The following URB2 variants were observed in gnomAD, a reference collection of about 807,000 sequenced individuals.
URB2 encodes the protein unhealthy ribosome biogenesis protein 2 homolog.
Under a neutral mutation model 120.9 loss-of-function variants are expected in URB2, and 86 were observed. The ratio of observed to expected loss-of-function variants is 0.71; its 90% CI spans 0.60 to 0.85. The LOEUF is 0.85. Ranked by LOEUF, URB2 falls within the 40% of genes least tolerant of loss-of-function variation. The pLI is 0.00. For missense variants in URB2, 1,765 were observed against 1,836.5 expected (o/e 0.96, Z 0.71); for synonymous variants, 755 against 758.4 (o/e 1.00, Z 0.07).
chr1:229,636,713 GA>G lies in URB2; in HGVS notation c.2101del (p.Arg701GlyfsTer15). ...GGTCTGAAGGAGCCATCCAAAGTTT[GA>G]GGTGCGATGCTGCCTTTATTATTGG... ...FRSEGAIQSL[R>X]CDAAFIIGSG... On this transcript the variant is annotated frameshift_variant, in exon 4 of 10. Transcript: ENST00000258243. LOFTEE classifies it high-confidence loss of function. 1 of 1,613,842 alleles carries G rather than the reference GA, an allele frequency of 6.2e-7. No homozygotes were observed. The highest frequency in any genetic ancestry group is 8.5e-7 in the Non-Finnish European group (1 of 1,179,904).
rs376030147 is a variant in URB2 at position 229,636,539 on chromosome 1, G to A, written c.1926G>A (p.Ser642=). The A allele has an allele frequency of 2.1e-5, 34 of 1,614,032 alleles. No individual in the cohort carries two copies. The highest frequency in any genetic ancestry group is 6.7e-5 in the African/African-American group (5 of 74,922). The change falls in exon 4 of 10, where the codon TCG becomes TCA. Residue 642 remains serine (S), a synonymous_variant. Transcript: ENST00000258243. ...TTATAGGTGTTGCTCTGGAGATCTC[G>A]AACCTCCCTTCGTTGCTCCCAGGTG... The part of the protein sequence containing the change: ...GPLIGVALEI[S]NLPSLLPGVK...
intron 3 of URB2, 86 bp from the exon 4 acceptor site, chr1:229,634,831 T>C: frequency 1.6e-6 from 2 of 1,226,730 alleles, no homozygotes; most frequent in Non-Finnish European, 2.2e-6. Context: ...AAGGGGTGAG[T>C]TTGTTGATTT....
chr1:229,654,410 T>C (rs377261117), intron 9 of URB2, 22 bp downstream of exon 9: 7 of 1,614,102 alleles, frequency 4.3e-6, no homozygotes, highest in Non-Finnish European at 5.9e-6. Context: ...TTCAATGTCT[T>C]TCACCAAGTA....
In URB2 at chr1:229,639,429, G is replaced by C. The variant is rs183499917; in HGVS notation, c.3634+1182G>C. Among the ~76,000 whole-genome samples, 655 of 151,516 alleles carry C rather than the reference G, an allele frequency of 4.3e-3. 3 individuals carry two copies. The highest frequency in any genetic ancestry group is 0.015 in the African/African-American group (630 of 41,154). ...AGCTCACTGCAAGCTCCGCTTCCCG[G>C]GTTCATGCCATTCTCCTGCCTCAGC... is the stretch of plus-strand genomic sequence containing the variant. On this transcript the variant is annotated intron_variant, in intron 4 of 9. Coordinates refer to ENST00000258243, the MANE Select transcript of URB2 (RefSeq NM_014777.4).
intron 2 of URB2, among the ~76,000 whole-genome samples, chr1:229,628,167 GTATATATGTATATAATATATATAA>G (rs71563416): frequency 1.7e-5 from 2 of 116,098 alleles, no homozygotes; most frequent in Admixed American, 1.8e-4. Context: ...TATATGTATA[GTATATATGTATATAATATATATAA>G]TATATATGTA....
chr1:229,639,331 A>G (rs1665942726), intron 4 of URB2, among the ~76,000 whole-genome samples: 2 of 145,724 alleles, frequency 1.4e-5, no homozygotes, highest in African/African-American at 5.0e-5. Context: ...CAAATCACTT[A>G]ATTTCTTTTT....
chr1:229,641,970 A>G (rs1284974945), intron 4 of URB2, among the ~76,000 whole-genome samples: 3 of 152,182 alleles, frequency 2.0e-5, no homozygotes, highest in Non-Finnish European at 4.4e-5. Context: ...TGATTGTGCC[A>G]CTGCACTCCA....
At chr1:229,641,133 C>T (rs1666001134) in intron 4 of URB2, among the ~76,000 whole-genome samples, 1 of 151,780 alleles carries the variant, frequency 6.6e-6, no homozygotes, top group African/African-American at 2.4e-5. Flanking sequence ...ATGCCTCGGC[C>T]TCCTGAGTAG....
At chr1:229,654,167 C>T in intron 8 of URB2, 82 bp from the exon 9 acceptor site, 1 of 1,562,800 alleles carries the variant, frequency 6.4e-7, no homozygotes, top group Non-Finnish European at 8.7e-7. Context: ...ATAATTTTCA[C>T]CCATATTAAA....
chr1:229,647,934 T>C (rs1044813995), intron 7 of URB2, among the ~76,000 whole-genome samples, 182 bp downstream of exon 7: 6 of 152,246 alleles, frequency 3.9e-5, no homozygotes, highest in African/African-American at 1.2e-4. Context: ...ATAAAAATGC[T>C]CGACCTTCAT....
intron 4 of URB2, 146 bp downstream of exon 4, chr1:229,638,393 C>G (rs1665911907): frequency 1.1e-6 from 1 of 915,362 alleles, no homozygotes; most frequent in African/African-American, 1.7e-5. Flanking sequence ...CACCTGTAAT[C>G]CCAGCACTTT....
At chr1:229,638,797 C>T (rs1413588841) in intron 4 of URB2, among the ~76,000 whole-genome samples, 1 of 152,174 alleles carries the variant, frequency 6.6e-6, no homozygotes, top group East Asian at 1.9e-4. Context: ...ACAGCAGCCT[C>T]CTCCGTATGT....
At position 229,636,250 on chromosome 1, in the gene URB2, T is replaced by A; in HGVS notation, c.1637T>A (p.Leu546Gln). 1 of 1,613,916 alleles carries A rather than the reference T, an allele frequency of 6.2e-7. No individual in the cohort carries two copies. Among genetic ancestry groups the A allele is most frequent in the Admixed American group, 1.7e-5 (1 of 60,030 alleles). Residue 546 changes from leucine to glutamine, a missense_variant, in exon 4 of 10, where the codon CTG (leucine) becomes CAG (glutamine). Leu to Gln is a moderately radical substitution (Grantham distance 113, BLOSUM62 -2). Coordinates refer to ENST00000258243, the MANE Select transcript of URB2 (RefSeq NM_014777.4). Reference sequence around the variant, plus strand: ...AAATCACTGTCACTGAGCTTGCTGCTGCACTGCATCATGTTCAACATGAGG... The same window carrying A: ...AAATCACTGTCACTGAGCTTGCTGCAGCACTGCATCATGTTCAACATGAGG... ...ALKSLSLSLL[L>Q]HCIMFNMRSL...
At chr1:229,632,811 G>GT (rs5781547) in intron 3 of URB2, among the ~76,000 whole-genome samples, 2,498 of 101,766 alleles carry the variant, frequency 0.025, 42 homozygotes, top group Non-Finnish European at 0.034. Context: ...TTCCTCAAAG[G>GT]TTTTTTTTTT....
intron 8 of URB2, among the ~76,000 whole-genome samples, 188 bp from the exon 9 acceptor site, chr1:229,654,061 T>A (rs1666345866): frequency 6.6e-6 from 1 of 152,054 alleles, no homozygotes; most frequent in East Asian, 1.9e-4. Flanking sequence ...TCCTTCCCTT[T>A]GTTGTGTAGA....
rs147874537 is a variant in URB2, at chr1:229,641,583, G to C, written c.3635-1950G>C. 1.5e-3 allele frequency among the ~76,000 whole-genome samples: 224 copies of C among 152,252 alleles called. 1 individual carries two copies. The highest frequency in any genetic ancestry group is 5.3e-3 in the African/African-American group (221 of 41,542). On this transcript the variant is annotated intron_variant, in intron 4 of 9. Transcript: ENST00000258243. ...GGCCCAAGGCTTTGGGCAGGGAGAG[G>C]GAGTGTGAAGAGGCGCCGTGCAGGT... is the stretch of plus-strand genomic sequence containing the variant.
intron 3 of URB2, 22 bp downstream of exon 3, chr1:229,632,467 T>C: frequency 6.6e-7 from 1 of 1,523,574 alleles, no homozygotes. Context: ...TTCTGTTCTG[T>C]ATGTGTTGCA....
rs1288663443 is a variant in URB2, at chr1:229,637,428, C to T, written c.2815C>T (p.Leu939Phe). The T allele has an allele frequency of 8.7e-6, 14 of 1,614,076 alleles. No homozygotes were observed. Among genetic ancestry groups the T allele is most frequent in the Non-Finnish European group, 1.1e-5 (13 of 1,180,044 alleles). Residue 939 changes from leucine (L) to phenylalanine (F), a missense_variant, in exon 4 of 10, where the codon CTC becomes TTC. Physicochemically the swap from Leu to Phe is conservative, Grantham distance 22. Coordinates refer to ENST00000258243, the MANE Select transcript of URB2 (RefSeq NM_014777.4). ...LGCSCSSSLA[L>F]KFLTTCYQLL... Reference sequence around the variant, plus strand: ...ATGCTCTTGCTCCTCCTCACTGGCTCTCAAGTTCTTGACGACTTGCTACCA... The same window carrying T: ...ATGCTCTTGCTCCTCCTCACTGGCTTTCAAGTTCTTGACGACTTGCTACCA...
chr1:229,636,464 C>A lies in URB2; in HGVS notation c.1851C>A (p.Asp617Glu). 1.9e-6 allele frequency: 3 copies of A among 1,614,230 alleles called. No homozygotes were observed. The highest frequency in any genetic ancestry group is 2.5e-6 in the Non-Finnish European group (3 of 1,180,040). Reference sequence around the variant, plus strand: ...TCTCTTACACTTGGGCCCAGGTGGACGCTATGTTCAGTTTGAACTGTAGCC... The same window carrying A: ...TCTCTTACACTTGGGCCCAGGTGGAAGCTATGTTCAGTTTGAACTGTAGCC... Reference protein sequence around the residue: ...LLLSYTWAQVDAMFSLNCSQY... With the variant: ...LLLSYTWAQVEAMFSLNCSQY... Residue 617 changes from aspartate (D) to glutamate (E), a missense_variant, in exon 4 of 10, where the codon GAC becomes GAA. Coordinates refer to ENST00000258243, the MANE Select transcript of URB2 (RefSeq NM_014777.4).
Sources: allele counts gnomAD v4.1 joint callset (sites outside exome capture counted in the v4.1 genomes callset), GRCh38; gene constraint gnomAD v4.1.1; transcripts MANE v1.5; gene names NCBI Gene and HGNC (gene_info 2026-07-23, HGNC 2026-07-21).